KANK2: variants seen among roughly 807,000 people sequenced by gnomAD.
KANK2 encodes the protein KN motif and ankyrin repeat domains 2, also known as KN motif and ankyrin repeat domain-containing protein 2.
Under a neutral mutation model 74.6 loss-of-function variants are expected in KANK2, and 41 were observed. The ratio of observed to expected loss-of-function variants is 0.55; its 90% confidence interval spans 0.43 to 0.71. The LOEUF is 0.71. Among genes scored for constraint, KANK2 ranks in the 30% least tolerant of loss-of-function variants. KANK2 has a pLI of 0.00. For missense variants in KANK2, 1,148 were observed against 1,196.4 expected (o/e 0.96, Z 0.60); for synonymous variants, 537 against 519.0 (o/e 1.03, Z -0.47).
chr19:11,185,380 T>G (rs2078647141), intron 4 of KANK2, among the ~76,000 whole-genome samples: 1 of 147,400 alleles, frequency 6.8e-6, no homozygotes, highest in African/African-American at 2.5e-5. Context: ...GGGGTGTCAC[T>G]ATATTGCCCA....
Position 11,193,421 on chromosome 19 carries a change from T to G in KANK2, c.659A>C (p.Gln220Pro). 6.2e-7 allele frequency: 1 copy of G among 1,612,252 alleles called. No homozygotes were observed. The highest frequency in any genetic ancestry group is 8.5e-7 in the Non-Finnish European group (1 of 1,179,860). Residue 220 changes from glutamine (Q) to proline (P), a missense_variant, in exon 4 of 13, where the codon CAG becomes CCG. Gln to Pro is a moderately conservative substitution (Grantham distance 76). Transcript: ENST00000586659. This position sits in a 1 kb window ranked among gnomAD's most constrained non-coding sequence, Gnocchi z 9.6. Reference sequence around the variant, plus strand: ...TACTGTGAGCTGCCGCTTTTCCTCCTGGAGCACCGAGAGCTTCACCTGGAG... The same window carrying G: ...TACTGTGAGCTGCCGCTTTTCCTCCGGGAGCACCGAGAGCTTCACCTGGAG... ...PVLQVKLSVL[Q>P]EEKRQLTVQL...
rs1468892961 is a variant in KANK2, at chr19:11,192,651, T to C, written c.1249+180A>G. 4.3e-6 allele frequency: 3 copies of C among 690,198 alleles called. No homozygotes were observed. The South Asian group carries it at 4.5e-5, about 10-fold the overall frequency. 42.8% of individuals were successfully genotyped at this position (690,198 alleles called of 1,614,324 possible). A position where few individuals can be genotyped will look rare whatever the true frequency, so the allele number is the denominator to read the frequency against. ...GGTTTCACCATGTTGGCCAGGCTGG[T>C]CTCCAACTCCTGACCTCAAGTGATC... On this transcript the variant is annotated intron_variant, in intron 4 of 12. Coordinates refer to ENST00000586659, the MANE Select transcript of KANK2 (RefSeq NM_001136191.3).
chr19:11,184,776 C>A (rs775904051), intron 4 of KANK2, among the ~76,000 whole-genome samples: 1 of 147,216 alleles, frequency 6.8e-6, no homozygotes, highest in Non-Finnish European at 1.5e-5. Flanking sequence ...TCTGCCCCAA[C>A]AGAGAAGCAG....
intron 4 of KANK2, among the ~76,000 whole-genome samples, chr19:11,190,198 G>A (rs999781580): frequency 2.0e-5 from 3 of 151,582 alleles, no homozygotes; most frequent in Non-Finnish European, 2.9e-5. Flanking sequence ...GCAGTGGTGC[G>A]ACCTCGGCCC....
chr19:11,193,048 G>A lies in KANK2; in HGVS notation c.1032C>T (p.Ser344=), dbSNP rs376034866. Residue 344 remains serine (S), a synonymous_variant, in exon 4 of 13, where the codon AGC becomes AGT. Coordinates refer to ENST00000586659, the MANE Select transcript of KANK2 (RefSeq NM_001136191.3). The surrounding 1 kb of genome is among the most constrained non-coding windows in gnomAD (Gnocchi z 9.6). ...EGPREVEVVA[S]TAAGAPAQRA... The stretch of plus-strand genomic sequence containing the variant: ...GCTGTGCGGGGGCGCCAGCGGCTGT[G>A]CTGGCCACCACCTCCACCTCCCGTG... 17 of 1,611,436 alleles carry A rather than the reference G, an allele frequency of 1.1e-5. No individual in the cohort carries two copies. The highest frequency in any genetic ancestry group is 2.7e-5 in the African/African-American group (2 of 74,872).
intron 10 of KANK2, among the ~76,000 whole-genome samples, chr19:11,172,011 T>TA (rs2078189653): frequency 1.3e-5 from 2 of 149,086 alleles, no homozygotes; most frequent in South Asian, 4.3e-4. Context: ...AGTCTCACTC[T>TA]GTAGCCCAGG....
chr19:11,166,306 A>G lies in KANK2; in HGVS notation c.*252T>C, dbSNP rs1346792779. The G allele has an allele frequency of 2.1e-5, 9 of 422,196 alleles. No individual in the cohort carries two copies. Among genetic ancestry groups the G allele is most frequent in the Non-Finnish European group, 3.4e-5 (8 of 236,844 alleles). 26.2% of individuals were successfully genotyped at this position (422,196 alleles called of 1,614,324 possible). A position where few individuals can be genotyped will look rare whatever the true frequency, so the allele number is the denominator to read the frequency against. On this transcript the variant is annotated 3_prime_UTR_variant, in exon 13 of 13. Transcript: ENST00000586659. ...CACCCCAGCATCAGCCCTGGCGCCA[A>G]TGTATACAAGAATTTTGCTTCGGTC...
chr19:11,190,053 AT>A (rs2078796706), intron 4 of KANK2, among the ~76,000 whole-genome samples: 3 of 152,304 alleles, frequency 2.0e-5, no homozygotes, highest in Admixed American at 2.0e-4. Flanking sequence ...GCCACCTGAC[AT>A]TTGAGGCTGG....
rs756473731 is a variant in KANK2 at position 11,193,536 on chromosome 19, C to T, written c.544G>A (p.Ala182Thr). 2.1e-5 allele frequency: 34 copies of T among 1,605,876 alleles called. No homozygotes were observed. The East Asian group carries it at 6.7e-4, about 32-fold the overall frequency. Residue 182 changes from alanine to threonine, a missense_variant, in exon 4 of 13, where the codon GCC (alanine) becomes ACC (threonine). Transcript: ENST00000586659. The surrounding 1 kb of genome is among the most constrained non-coding windows in gnomAD (Gnocchi z 9.6). The part of the protein sequence containing the change: ...SGLSTPVPPS[A>T]GHLAHVREQM... ...TCCCGCACGTGGGCCAGGTGCCCGG[C>T]ACTGGGAGGCACCGGTGTGGACAGT... is the stretch of plus-strand genomic sequence containing the variant.
At chr19:11,196,374 A>C (rs1419702336) in intron 1 of KANK2, 1 of 152,322 alleles carries the variant, frequency 6.6e-6, no homozygotes, top group South Asian at 2.1e-4. Flanking sequence ...CAACTCTTTT[A>C]ATTGTCATGA....
At chr19:11,177,263 T>G (rs1215328328) in intron 6 of KANK2, among the ~76,000 whole-genome samples, 1 of 152,090 alleles carries the variant, frequency 6.6e-6, no homozygotes, top group Non-Finnish European at 1.5e-5. Flanking sequence ...ATTTTTGTAT[T>G]TTTTAGTAGA....
At position 11,193,572 on chromosome 19, in the gene KANK2, G is replaced by A. The variant is rs762533572; in HGVS notation, c.508C>T (p.Arg170Trp). The A allele has an allele frequency of 4.2e-5, 67 of 1,590,982 alleles. No homozygotes were observed. The Admixed American group carries it at 8.3e-4, about 20-fold the overall frequency. The change falls in exon 4 of 13, where the codon CGG (arginine) becomes TGG (tryptophan). Residue 170 changes from arginine (R) to tryptophan (W), a missense_variant. Physicochemically the swap from Arg to Trp is moderately radical, Grantham distance 101. Coordinates refer to ENST00000586659, the MANE Select transcript of KANK2 (RefSeq NM_001136191.3). The surrounding 1 kb of genome is among the most constrained non-coding windows in gnomAD (Gnocchi z 9.6). ...VGVGLPPPTP[R>W]SSGLSTPVPP... ...ACCGGTGTGGACAGTCCTGAACTCC[G>A]TGGTGTCGGGGGTGGCAACCCCACG...
intron 4 of KANK2, among the ~76,000 whole-genome samples, chr19:11,181,981 G>A (rs1298843912): frequency 1.0e-4 from 15 of 146,698 alleles, no homozygotes; most frequent in East Asian, 4.0e-4. Context: ...GCAGTGATGC[G>A]ATCTTGGCTC....
chr19:11,186,609 G>C (rs982887147), intron 4 of KANK2, among the ~76,000 whole-genome samples: 26 of 152,078 alleles, frequency 1.7e-4, no homozygotes, highest in African/African-American at 4.6e-4. Flanking sequence ...TGAGGCAGGA[G>C]AATCGCTTGA....
intron 4 of KANK2, among the ~76,000 whole-genome samples, chr19:11,188,293 C>T (rs2078735187): frequency 6.6e-6 from 1 of 151,670 alleles, no homozygotes; most frequent in Non-Finnish European, 1.5e-5. Context: ...ACTGCAATTT[C>T]CGCCTCCCCG....
chr19:11,182,541 A>AAAAAC (rs1001782483), intron 4 of KANK2, among the ~76,000 whole-genome samples: 4 of 147,206 alleles, frequency 2.7e-5, no homozygotes, highest in African/African-American at 7.5e-5. Flanking sequence ...AAAAAAACAA[A>AAAAAC]AAAACAAAAC....
intron 4 of KANK2, among the ~76,000 whole-genome samples, chr19:11,191,691 C>T (rs538189003): frequency 2.1e-4 from 32 of 152,320 alleles, no homozygotes; most frequent in Admixed American, 1.0e-3. Flanking sequence ...AGGTCACTTT[C>T]CCTTGCCTGC....
At chr19:11,173,999 C>A (rs1404544501) in intron 9 of KANK2, among the ~76,000 whole-genome samples, 5 of 151,134 alleles carry the variant, frequency 3.3e-5, no homozygotes, top group Non-Finnish European at 5.9e-5. Context: ...TGGTGCCCCC[C>A]CCATCAGACT....
At chr19:11,172,083 C>T (rs1438129447) in intron 10 of KANK2, among the ~76,000 whole-genome samples, 1 of 150,656 alleles carries the variant, frequency 6.6e-6, no homozygotes, top group Non-Finnish European at 1.5e-5. Flanking sequence ...TCAAGCGATT[C>T]TCCTGCCTCA....
Sources: gnomAD v4.1 joint callset for allele counts (sites outside exome capture counted in the v4.1 genomes callset) on GRCh38, gnomAD v4.1.1 for gene constraint, Gnocchi (gnomAD v3.1) non-coding constraint, MANE v1.5 for transcripts, NCBI Gene and HGNC (gene_info 2026-07-23, HGNC 2026-07-21) for gene names.